The following COL24A1 variants were observed in gnomAD, a reference collection of about 807,000 sequenced individuals.
COL24A1 encodes collagen type XXIV alpha 1 chain, also known as collagen alpha-1(XXIV) chain.
Under a neutral mutation model 253.9 loss-of-function variants are expected in COL24A1, and 224 were observed. That is an observed-to-expected ratio of 0.88 (90% confidence interval 0.79 to 0.99). The LOEUF (loss-of-function observed/expected upper bound fraction) is 0.99, where lower values mean the gene tolerates loss of function less well. Among genes scored for constraint, COL24A1 ranks in the 50% least tolerant of loss-of-function variants. The pLI, the probability that COL24A1 is intolerant of heterozygous loss-of-function variation, is 0.00. For missense variants in COL24A1, 2,131 were observed against 2,068.5 expected (o/e 1.03, Z -0.59); for synonymous variants, 685 against 673.7 (o/e 1.02, Z -0.26).
chr1:86,063,678 TCA>T, intron 8 of COL24A1, 35 bp downstream of exon 8: 1 of 1,428,362 alleles, frequency 7.0e-7, no homozygotes, highest in South Asian at 1.5e-5. Flanking sequence ...TGTGTCTTTT[TCA>T]CACATGATAC....
At position 86,156,463 on chromosome 1, in the gene COL24A1, G is replaced by T. The variant is rs1653637645; in HGVS notation, c.-67C>A. Reference sequence around the variant, plus strand: ...AGAAGCCAACTCTGAACTGCTTAGGGTGCAGGTACTGTCCATGAAAAAGGG... The same window carrying T: ...AGAAGCCAACTCTGAACTGCTTAGGTTGCAGGTACTGTCCATGAAAAAGGG... On this transcript the variant is annotated 5_prime_UTR_variant, in exon 1 of 60. Transcript: ENST00000370571. The T allele has an allele frequency of 7.8e-6, 11 of 1,413,286 alleles. No homozygotes were observed. Among genetic ancestry groups the T allele is most frequent in the Non-Finnish European group, 1.1e-5 (11 of 1,035,672 alleles). The allele number at this position is 1,413,286 out of a possible 1,614,324, so 87.5% of individuals were successfully genotyped here.
chr1:85,917,279 C>G (rs979909270), intron 24 of COL24A1, among the ~76,000 whole-genome samples: 2 of 152,184 alleles, frequency 1.3e-5, no homozygotes, highest in Admixed American at 1.3e-4. Flanking sequence ...GAATTATACA[C>G]ACAACTTTAG....
At chr1:85,893,352 T>A (rs1683323543) in intron 31 of COL24A1, among the ~76,000 whole-genome samples, 1 of 151,896 alleles carries the variant, frequency 6.6e-6, no homozygotes, top group African/African-American at 2.4e-5. Context: ...GTGAATAAAC[T>A]TACAATAGAA....
At chr1:86,083,609 T>C (rs1702838913) in intron 7 of COL24A1, among the ~76,000 whole-genome samples, 1 of 152,080 alleles carries the variant, frequency 6.6e-6, no homozygotes, top group African/African-American at 2.4e-5. Context: ...CATAATCATG[T>C]AAAAGGCAAC....
At chr1:85,900,003 A>G (rs147275181) in intron 28 of COL24A1, among the ~76,000 whole-genome samples, 3 of 152,342 alleles carry the variant, frequency 2.0e-5, no homozygotes, top group African/African-American at 7.2e-5. Flanking sequence ...GTGAATTCAG[A>G]CTGGAAGAGA....
chr1:86,100,711 C>T (rs1263901371), intron 5 of COL24A1, among the ~76,000 whole-genome samples: 1 of 152,064 alleles, frequency 6.6e-6, no homozygotes, highest in Admixed American at 6.5e-5. Context: ...CTACTTTCCC[C>T]TACCCCCTCT....
At chr1:86,078,326 T>A (rs1177929479) in intron 7 of COL24A1, among the ~76,000 whole-genome samples, 5 of 152,196 alleles carry the variant, frequency 3.3e-5, no homozygotes, top group African/African-American at 1.2e-4. Flanking sequence ...AAGCCATATA[T>A]GATAGACCCA....
chr1:85,818,143 G>T, intron 45 of COL24A1, 56 bp from the exon 46 acceptor site: 1 of 1,452,514 alleles, frequency 6.9e-7, no homozygotes, highest in Non-Finnish European at 9.7e-7. Flanking sequence ...TTAAACTGAA[G>T]CCATAGAAAA....
At chr1:85,856,103 T>C (rs1322954393) in intron 37 of COL24A1, among the ~76,000 whole-genome samples, 1 of 152,190 alleles carries the variant, frequency 6.6e-6, no homozygotes, top group African/African-American at 2.4e-5. Context: ...TCTTTATTAG[T>C]CTAGCTAATG....
At chr1:86,137,014 GA>G (rs1650361172) in intron 2 of COL24A1, among the ~76,000 whole-genome samples, 1 of 151,942 alleles carries the variant, frequency 6.6e-6, no homozygotes, top group Non-Finnish European at 1.5e-5. Flanking sequence ...GGGTGGGCAA[GA>G]GAAGAAGAAG....
At chr1:85,867,081 G>T (rs1489038852) in intron 37 of COL24A1, among the ~76,000 whole-genome samples, 1 of 152,112 alleles carries the variant, frequency 6.6e-6, no homozygotes, top group African/African-American at 2.4e-5. Context: ...AAAATGAATG[G>T]TAAGACAGCT....
chr1:85,774,162 C>A lies in COL24A1; in HGVS notation c.4374+1512G>T, dbSNP rs187865362. 5.3e-5 allele frequency among the ~76,000 whole-genome samples: 8 copies of A among 152,004 alleles called. No homozygotes were observed. The East Asian group carries it at 1.4e-3, about 26-fold the overall frequency. On this transcript the variant is annotated intron_variant, in intron 53 of 59. Transcript: ENST00000370571. Reference sequence around the variant, plus strand: ...TTCGTCTTTGTTTCTGTTTATGTGACGGATTATGCTTATTAATTTGCGTAT... The same window carrying A: ...TTCGTCTTTGTTTCTGTTTATGTGAAGGATTATGCTTATTAATTTGCGTAT...
At chr1:85,768,291 A>T (rs1398110299) in intron 53 of COL24A1, among the ~76,000 whole-genome samples, 2 of 152,108 alleles carry the variant, frequency 1.3e-5, no homozygotes, top group Admixed American at 6.6e-5. Context: ...AAGGAAGCTT[A>T]GATTTTATTC....
chr1:85,914,097 A>T (rs1379576806), intron 24 of COL24A1, among the ~76,000 whole-genome samples: 37 of 152,136 alleles, frequency 2.4e-4, no homozygotes, highest in Admixed American at 2.4e-3. Context: ...GAATTTCAAC[A>T]TATGAATTTT....
chr1:85,765,653 A>T (rs375135203), intron 53 of COL24A1, among the ~76,000 whole-genome samples: 4 of 152,032 alleles, frequency 2.6e-5, no homozygotes, highest in African/African-American at 9.6e-5. Flanking sequence ...AGGTGGGAGG[A>T]TTGCCTGAGC....
intron 24 of COL24A1, 92 bp from the exon 25 acceptor site, chr1:85,911,525 T>C (rs745729506): frequency 1.6e-4 from 163 of 1,002,190 alleles, no homozygotes; most frequent in Non-Finnish European, 2.4e-4. Flanking sequence ...ACTATGTTTC[T>C]TTCTAACTTA....
rs185861466 is a variant in COL24A1, at chr1:85,827,233, G to C, written c.3682-3495C>G. Among the ~76,000 whole-genome samples, 3 of 151,974 alleles carry C rather than the reference G, an allele frequency of 2.0e-5. No homozygotes were observed. The East Asian group carries it at 5.8e-4, about 29-fold the overall frequency. On this transcript the variant is annotated intron_variant, in intron 43 of 59. Coordinates refer to ENST00000370571, the MANE Select transcript of COL24A1 (RefSeq NM_152890.7). Reference sequence around the variant, plus strand: ...GTTTATATGGTGGATTACATTTATTGAATTGCGTATATTGAACCAGCCTTG... The same window carrying C: ...GTTTATATGGTGGATTACATTTATTCAATTGCGTATATTGAACCAGCCTTG...
intron 5 of COL24A1, among the ~76,000 whole-genome samples, chr1:86,105,251 G>C (rs149328150): frequency 2.0e-5 from 3 of 152,260 alleles, no homozygotes; most frequent in African/African-American, 7.2e-5. Context: ...GCTATGGCAG[G>C]GTTCACATGC....
At chr1:85,805,653 A>T (rs1304401831) in intron 47 of COL24A1, among the ~76,000 whole-genome samples, 1 of 152,216 alleles carries the variant, frequency 6.6e-6, no homozygotes, top group Non-Finnish European at 1.5e-5. Context: ...TAAGAAATAT[A>T]ATTATGCCTA....
Sources: allele counts gnomAD v4.1 joint callset (sites outside exome capture counted in the v4.1 genomes callset), GRCh38; gene constraint gnomAD v4.1.1; transcripts MANE v1.5; gene names NCBI Gene and HGNC (gene_info 2026-07-23, HGNC 2026-07-21).